The following TACR3 variants were observed in gnomAD, a reference collection of about 807,000 sequenced individuals.
TACR3 encodes tachykinin receptor 3.
In TACR3, 34 loss-of-function variants were observed where a neutral mutation model predicts 35.0. The ratio of observed to expected loss-of-function variants is 0.97; its 90% CI spans 0.74 to 1.30. The LOEUF is 1.30. Among genes scored for constraint, TACR3 ranks in the 50% most tolerant of loss-of-function variants. The pLI, the probability that TACR3 is intolerant of heterozygous loss-of-function variation, is 0.00. For synonymous variants in TACR3, 233 were observed against 221.1 expected (o/e 1.05, Z -0.48); for missense variants, 558 against 591.7 (o/e 0.94, Z 0.59).
intron 1 of TACR3, among the ~76,000 whole-genome samples, chr4:103,703,837 A>G (rs924221978): frequency 3.3e-5 from 5 of 152,038 alleles, no homozygotes; most frequent in Non-Finnish European, 5.9e-5. Flanking sequence ...GTGGTGGCTC[A>G]CGCCTGTAAT....
At chr4:103,612,632 C>T (rs1247639819) in intron 3 of TACR3, among the ~76,000 whole-genome samples, 1 of 152,100 alleles carries the variant, frequency 6.6e-6, no homozygotes, top group Non-Finnish European at 1.5e-5. Context: ...CCTTAGCCTT[C>T]TGAGTACCTG....
intron 3 of TACR3, among the ~76,000 whole-genome samples, chr4:103,598,678 C>A (rs1411560792): frequency 3.9e-5 from 6 of 152,150 alleles, no homozygotes; most frequent in Non-Finnish European, 2.9e-5. Context: ...ATATGGCTAG[C>A]CAGTTTTCCC....
intron 3 of TACR3, among the ~76,000 whole-genome samples, chr4:103,616,038 G>A (rs951767898): frequency 1.3e-5 from 2 of 152,128 alleles, no homozygotes; most frequent in African/African-American, 2.4e-5. Flanking sequence ...CAGAAAAACT[G>A]CAGATGTTGT....
intron 3 of TACR3, among the ~76,000 whole-genome samples, chr4:103,619,580 C>A (rs1578229448): frequency 1.3e-5 from 2 of 152,264 alleles, no homozygotes; most frequent in Admixed American, 1.3e-4. Context: ...TGAGAGTCGG[C>A]ATCCTTGTCT....
chr4:103,613,205 G>GTGAT (rs1241735780), intron 3 of TACR3, among the ~76,000 whole-genome samples: 1 of 152,170 alleles, frequency 6.6e-6, no homozygotes, highest in African/African-American at 2.4e-5. Context: ...CATAGGCGTT[G>GTGAT]TGATTAAAAA....
intron 1 of TACR3, among the ~76,000 whole-genome samples, chr4:103,702,605 TGTTTATTGCG>T (rs1462769582): frequency 1.3e-5 from 2 of 152,044 alleles, no homozygotes; most frequent in African/African-American, 4.8e-5. Flanking sequence ...TGCACATGTA[TGTTTATTGCG>T]GCACTATTCA....
At chr4:103,639,679 A>G (rs772445524) in intron 3 of TACR3, among the ~76,000 whole-genome samples, 10 of 152,058 alleles carry the variant, frequency 6.6e-5, no homozygotes, top group Admixed American at 1.3e-4. Context: ...TCTTAAGTAC[A>G]GAAATAATCA....
intron 3 of TACR3, among the ~76,000 whole-genome samples, chr4:103,596,569 C>A (rs894814881): frequency 1.3e-5 from 2 of 152,056 alleles, no homozygotes; most frequent in Non-Finnish European, 2.9e-5. Flanking sequence ...CAAAACAAAA[C>A]AAAACTGCTT....
intron 3 of TACR3, among the ~76,000 whole-genome samples, chr4:103,652,102 C>T (rs983434725): frequency 3.3e-5 from 5 of 152,066 alleles, no homozygotes; most frequent in African/African-American, 4.8e-5. Flanking sequence ...ACTGATGTCT[C>T]AGTAGGTTGT....
intron 4 of TACR3, 133 bp downstream of exon 4, chr4:103,591,354 C>A: frequency 2.0e-6 from 2 of 1,001,158 alleles, no homozygotes; most frequent in Non-Finnish European, 3.1e-6. Flanking sequence ...AAGCCTGTGC[C>A]TCTCTCAGTG....
intron 1 of TACR3, among the ~76,000 whole-genome samples, chr4:103,715,200 A>G (rs1434917422): frequency 6.6e-6 from 1 of 152,174 alleles, no homozygotes; most frequent in African/African-American, 2.4e-5. Flanking sequence ...CCCAAATCTC[A>G]TGTCGAATTG....
At chr4:103,612,836 C>G (rs1227151265) in intron 3 of TACR3, among the ~76,000 whole-genome samples, 1 of 151,596 alleles carries the variant, frequency 6.6e-6, no homozygotes, top group Non-Finnish European at 1.5e-5. Flanking sequence ...GCATTTCTCT[C>G]TCTCTCCAGT....
intron 3 of TACR3, among the ~76,000 whole-genome samples, chr4:103,637,918 A>T (rs1725234443): frequency 6.6e-6 from 1 of 152,120 alleles, no homozygotes; most frequent in African/African-American, 2.4e-5. Flanking sequence ...ACTACAAACC[A>T]CTGCTCAATG....
At chr4:103,626,284 CT>C (rs1724888453) in intron 3 of TACR3, among the ~76,000 whole-genome samples, 1 of 152,166 alleles carries the variant, frequency 6.6e-6, no homozygotes, top group Non-Finnish European at 1.5e-5. Context: ...AATTACTAAT[CT>C]AATCTGGTAT....
intron 3 of TACR3, among the ~76,000 whole-genome samples, chr4:103,615,341 A>AAAAC (rs1278612830): frequency 6.6e-6 from 1 of 151,880 alleles, no homozygotes; most frequent in Non-Finnish European, 1.5e-5. Context: ...TAAAGCAGTT[A>AAAAC]AAACAGCTCT....
At chr4:103,698,057 T>C (rs1377854719) in intron 1 of TACR3, among the ~76,000 whole-genome samples, 1 of 152,218 alleles carries the variant, frequency 6.6e-6, no homozygotes, top group East Asian at 1.9e-4. Context: ...AATACTACTG[T>C]CTTCAATATG....
chr4:103,639,667 C>T (rs1055597089), intron 3 of TACR3, among the ~76,000 whole-genome samples: 2 of 151,966 alleles, frequency 1.3e-5, no homozygotes, highest in African/African-American at 4.8e-5. Context: ...TTATTGTTTC[C>T]TTCTTAAGTA....
intron 3 of TACR3, among the ~76,000 whole-genome samples, chr4:103,642,155 G>A (rs1282358284): frequency 6.6e-6 from 1 of 151,304 alleles, no homozygotes; most frequent in Non-Finnish European, 1.5e-5. Flanking sequence ...AAATATGTGA[G>A]GTGATGGATA....
At chr4:103,634,694 T>C (rs1307874620) in intron 3 of TACR3, among the ~76,000 whole-genome samples, 1 of 152,124 alleles carries the variant, frequency 6.6e-6, no homozygotes, top group Admixed American at 6.6e-5. Flanking sequence ...AGAAATTTGT[T>C]TCTATTTTCT....
Sources: allele counts gnomAD v4.1 joint callset (sites outside exome capture counted in the v4.1 genomes callset), GRCh38; gene constraint gnomAD v4.1.1; transcripts MANE v1.5; gene names NCBI Gene and HGNC (gene_info 2026-07-23, HGNC 2026-07-21).